Variants in CCSER2 observed in about 807,000 individuals in gnomAD.
CCSER2 encodes the protein coiled-coil serine rich protein 2, also known as serine-rich coiled-coil domain-containing protein 2.
CCSER2 carries 46 observed loss-of-function variants against 92.3 expected under a neutral mutation model. The ratio of observed to expected loss-of-function variants is 0.50; its 90% CI spans 0.39 to 0.64. The LOEUF is 0.64. CCSER2 is among the 30% of genes least tolerant of loss of function. The pLI, the probability that CCSER2 is intolerant of heterozygous loss-of-function variation, is 0.00. For missense variants in CCSER2, 1,244 were observed against 1,238.9 expected, an observed-to-expected ratio of 1.00 and a Z score of -0.06; for synonymous variants, 433 against 431.4, an observed-to-expected ratio of 1.00 and a Z score of -0.04.
chr10:84,364,887 G>A (rs1237698699), intron 1 of CCSER2, among the ~76,000 whole-genome samples: 1 of 151,580 alleles, frequency 6.6e-6, no homozygotes, highest in Non-Finnish European at 1.5e-5. Context: ...GATTACAGGT[G>A]TGTGCCACCA....
intron 1 of CCSER2, among the ~76,000 whole-genome samples, chr10:84,349,933 C>A (rs112389653): frequency 0.076 from 11,632 of 152,220 alleles, 502 homozygotes; most frequent in Middle Eastern, 0.12. Context: ...GCAGGCGGAT[C>A]ACCTGAGGTC....
intron 9 of CCSER2, among the ~76,000 whole-genome samples, chr10:84,486,832 G>C (rs1402272853): frequency 2.0e-5 from 3 of 152,194 alleles, no homozygotes; most frequent in Admixed American, 6.5e-5. Context: ...CCTATGTCCT[G>C]AATGGTACTG....
chr10:84,332,406 AT>A (rs1192301220), intron 1 of CCSER2, among the ~76,000 whole-genome samples: 4 of 96,318 alleles, frequency 4.2e-5, no homozygotes, highest in African/African-American at 1.6e-4. Flanking sequence ...TATTAAATTT[AT>A]TTTTTTATAT....
chr10:84,425,898 G>A lies in CCSER2; in HGVS notation c.1868+5G>A, dbSNP rs1336202. ...TGGAAAAAGTGACTTGAGCAGGTAA[G>A]TACTGTTCTGACTTAGATTTCATTT... On this transcript the variant is annotated splice_donor_5th_base_variant and intron_variant, in intron 5 of 9. Transcript: ENST00000372088. 4.1e-5 allele frequency: 64 copies of A among 1,546,214 alleles called. No individual in the cohort carries two copies. The East Asian group carries it at 1.4e-3, about 33-fold the overall frequency.
Position 84,514,516 on chromosome 10 carries a change from G to A in CCSER2, c.*249G>A, listed in dbSNP as rs1035539546. On this transcript the variant is annotated 3_prime_UTR_variant, in exon 10 of 10. Transcript: ENST00000372088. ...TTACCCATTTCAGAGGCCTGCCAAA[G>A]GCCCAAATCATGTTATCCATCCCTC... 17 of 482,450 alleles carry A rather than the reference G, an allele frequency of 3.5e-5. No homozygotes were observed. The Admixed American group carries it at 6.2e-4, about 18-fold the overall frequency. The allele number at this position is 482,450 out of a possible 1,614,324, so 29.9% of individuals were successfully genotyped here.
chr10:84,351,224 A>G lies in CCSER2; in HGVS notation c.-39-19790A>G, dbSNP rs571205532. Among the ~76,000 whole-genome samples the G allele has an allele frequency of 3.0e-4, 45 of 151,944 alleles. 1 individual carries two copies. Among genetic ancestry groups the G allele is most frequent in the Non-Finnish European group, 4.7e-4 (32 of 67,908 alleles). On this transcript the variant is annotated intron_variant, in intron 1 of 9. Transcript: ENST00000372088. ...GTGTTAGGGTGGTGGAATTATAGGG[A>G]GAAGTTTTTTTGTTTTTTGTTTTTT...
At chr10:84,346,290 C>T (rs996014878) in intron 1 of CCSER2, among the ~76,000 whole-genome samples, 6 of 152,004 alleles carry the variant, frequency 3.9e-5, no homozygotes, top group Non-Finnish European at 5.9e-5. Flanking sequence ...TCTTGAATTC[C>T]CGACCTCAGG....
At chr10:84,391,349 A>G in intron 3 of CCSER2, 3 of 1,427,830 alleles carry the variant, frequency 2.1e-6, no homozygotes, top group Non-Finnish European at 3.0e-6. Context: ...TGGAGGCAAC[A>G]TTGAACAGCT....
rs1305372260 is a variant in CCSER2, at chr10:84,513,593, T to C, written c.2470T>C (p.Phe824Leu). The C allele has an allele frequency of 6.2e-7, 1 of 1,613,376 alleles. No individual in the cohort carries two copies. Among genetic ancestry groups the C allele is most frequent in the South Asian group, 1.1e-5 (1 of 91,048 alleles). ...HQGGAHPEESFTHVLHQESNY... is the reference protein window; with the variant it reads ...HQGGAHPEESLTHVLHQESNY... Reference sequence around the variant, plus strand: ...GGGCGGTGCACATCCGGAAGAAAGCTTTACACACGTCTTGCACCAAGAAAG... The same window carrying C: ...GGGCGGTGCACATCCGGAAGAAAGCCTTACACACGTCTTGCACCAAGAAAG... Residue 824 changes from phenylalanine to leucine, a missense_variant, in exon 10 of 10, where the codon TTT becomes CTT. Transcript: ENST00000372088.
chr10:84,493,718 A>G (rs956340719), intron 9 of CCSER2, among the ~76,000 whole-genome samples: 1 of 152,234 alleles, frequency 6.6e-6, no homozygotes, highest in African/African-American at 2.4e-5. Context: ...ATGGAAGACA[A>G]CTTTTCCACA....
At chr10:84,476,435 C>CTTTTTTTTTT (rs35978182) in intron 8 of CCSER2, among the ~76,000 whole-genome samples, 1 of 58,510 alleles carries the variant, frequency 1.7e-5, no homozygotes, top group Admixed American at 2.8e-4. Flanking sequence ...AATTCTCTCT[C>CTTTTTTTTTT]TTTTTTTTTT....
At chr10:84,486,232 G>A (rs893741513) in intron 9 of CCSER2, among the ~76,000 whole-genome samples, 7 of 152,328 alleles carry the variant, frequency 4.6e-5, no homozygotes, top group African/African-American at 1.7e-4. Context: ...ATAGCAGCAT[G>A]ATTTATAATC....
At chr10:84,391,893 A>G in intron 3 of CCSER2, 1 of 1,374,486 alleles carries the variant, frequency 7.3e-7, no homozygotes, top group Non-Finnish European at 1.0e-6. Flanking sequence ...ATGCTGTTGC[A>G]TCATGGATTA....
chr10:84,414,555 G>A (rs1326825734), intron 3 of CCSER2, among the ~76,000 whole-genome samples: 3 of 152,006 alleles, frequency 2.0e-5, no homozygotes, highest in South Asian at 2.1e-4. Context: ...AGATGACCTG[G>A]TCTTTGTCTC....
chr10:84,516,115 A>G lies in CCSER2; in HGVS notation c.*1848A>G, dbSNP rs944034949. 4 of 152,214 alleles carry G rather than the reference A, an allele frequency of 2.6e-5. No individual in the cohort carries two copies. Among genetic ancestry groups the G allele is most frequent in the African/African-American group, 9.7e-5 (4 of 41,446 alleles). The allele number at this position is 152,214 out of a possible 1,614,324, so 9.4% of individuals were successfully genotyped here. On this transcript the variant is annotated 3_prime_UTR_variant, in exon 10 of 10. Transcript: ENST00000372088. Reference sequence around the variant, plus strand: ...CCTTTAAAAGATGTATGTTGATGAAATTGCCCCTTTATAAGAAAAACAACA... The same window carrying G: ...CCTTTAAAAGATGTATGTTGATGAAGTTGCCCCTTTATAAGAAAAACAACA...
chr10:84,513,382 G>A (rs774191304), intron 9 of CCSER2, 67 bp from the exon 10 acceptor site: 2 of 1,186,972 alleles, frequency 1.7e-6, no homozygotes, highest in African/African-American at 3.1e-5. Context: ...AGCCTAATTG[G>A]TATTTATATT....
intron 1 of CCSER2, among the ~76,000 whole-genome samples, chr10:84,335,102 G>T (rs1463748037): frequency 6.6e-6 from 1 of 152,078 alleles, no homozygotes; most frequent in South Asian, 2.1e-4. Context: ...GCTGAGGAAC[G>T]ATGGGCATCT....
chr10:84,434,966 T>A (rs967433816), intron 5 of CCSER2, among the ~76,000 whole-genome samples: 5 of 152,202 alleles, frequency 3.3e-5, no homozygotes, highest in African/African-American at 1.2e-4. Context: ...TTGAAAAGTA[T>A]ATAGGTTTCT....
chr10:84,405,642 A>G (rs1348079087), intron 3 of CCSER2, among the ~76,000 whole-genome samples: 2 of 152,238 alleles, frequency 1.3e-5, no homozygotes, highest in Admixed American at 6.5e-5. Context: ...AAAAAAATGT[A>G]TAAGAGACCT....
Sources: allele counts gnomAD v4.1 joint callset (sites outside exome capture counted in the v4.1 genomes callset), GRCh38; gene constraint gnomAD v4.1.1; transcripts MANE v1.5; gene names NCBI Gene and HGNC (gene_info 2026-07-23, HGNC 2026-07-21).